The following AHSA1 variants were observed in gnomAD, a reference collection of about 807,000 sequenced individuals.
AHSA1 encodes the protein activator of 90 kDa heat shock protein ATPase homolog 1.
A neutral mutation model predicts 46.1 loss-of-function variants in AHSA1; 14 were observed. That is an observed-to-expected ratio of 0.30 (90% CI 0.20 to 0.47). The LOEUF (loss-of-function observed/expected upper bound fraction) is 0.47, where lower values mean the gene tolerates loss of function less well. Among genes scored for constraint, AHSA1 ranks in the 20% least tolerant of loss-of-function variants. AHSA1 has a pLI of 0.99. For missense variants in AHSA1, 333 were observed against 415.9 expected, an observed-to-expected ratio of 0.80 and a Z score of 1.73; for synonymous variants, 147 against 145.8, an observed-to-expected ratio of 1.01 and a Z score of -0.06.
intron 3 of AHSA1, 63 bp downstream of exon 3, chr14:77,462,305 T>C (rs1594939079): frequency 6.8e-7 from 1 of 1,476,976 alleles, no homozygotes; most frequent in East Asian, 2.3e-5. Flanking sequence ...ATGAGAAAAG[T>C]GACCTGTCAT....
upstream of AHSA1, chr14:77,458,053 G>A: frequency 1.5e-6 from 1 of 657,848 alleles, no homozygotes; most frequent in Non-Finnish European, 2.4e-6. Context: ...GGGAGGGGGT[G>A]GAGGGAAAAG....
chr14:77,463,585 C>CAAAA (rs565353457), intron 4 of AHSA1, among the ~76,000 whole-genome samples: 2 of 75,092 alleles, frequency 2.7e-5, no homozygotes, highest in Non-Finnish European at 2.8e-5. Flanking sequence ...GACTCCATCT[C>CAAAA]AAAAAAAAAA....
chr14:77,464,499 A>G (rs1276432240), intron 4 of AHSA1, 99 bp from the exon 5 acceptor site: 4 of 1,052,848 alleles, frequency 3.8e-6, no homozygotes, highest in East Asian at 2.4e-5. Context: ...TCATAACCTC[A>G]TTCTGTGGTA....
intron 6 of AHSA1, among the ~76,000 whole-genome samples, chr14:77,467,542 AAGTT>A (rs986935753): frequency 7.9e-5 from 12 of 152,054 alleles, no homozygotes; most frequent in Admixed American, 6.5e-4. Context: ...AAAATACAAA[AAGTT>A]AGCCAGGCAT....
intron 2 of AHSA1, among the ~76,000 whole-genome samples, chr14:77,460,508 T>C (rs139810390): frequency 2.0e-5 from 3 of 151,656 alleles, no homozygotes; most frequent in Non-Finnish European, 2.9e-5. Context: ...TTAATTTGTT[T>C]TTAAAGTACA....
At position 77,468,600 on chromosome 14, in the gene AHSA1, T is replaced by G. The variant is rs765885611; in HGVS notation, c.844+92T>G. Reference sequence around the variant, plus strand: ...TTTTTTTGGAAACAGGGTCTCACTGTCACTCAGGCTAGAGTGCAGTGGCAT... The same window carrying G: ...TTTTTTTGGAAACAGGGTCTCACTGGCACTCAGGCTAGAGTGCAGTGGCAT... On this transcript the variant is annotated intron_variant, in intron 8 of 8. Coordinates refer to ENST00000216479, the MANE Select transcript of AHSA1 (RefSeq NM_012111.3). 5 of 1,178,854 alleles carry G rather than the reference T, an allele frequency of 4.2e-6. No individual in the cohort carries two copies. The East Asian group carries it at 1.2e-4, about 29-fold the overall frequency. The allele number at this position is 1,178,854 out of a possible 1,614,324, so 73.0% of individuals were successfully genotyped here.
chr14:77,469,160 C>G lies in AHSA1; in HGVS notation c.928C>G (p.Pro310Ala). The change falls in exon 9 of 9, where the codon CCT becomes GCT. Residue 310 changes from proline to alanine, a missense_variant. Transcript: ENST00000216479. ...LCMEGRGIPA[P>A]EEERTRQGWQ... ...CATGGAAGGTCGAGGCATCCCTGCT[C>G]CTGAGGAAGAGCGGACGCGACAGGG... is the stretch of plus-strand genomic sequence containing the variant. 1 of 1,614,220 alleles carries G rather than the reference C, an allele frequency of 6.2e-7. No individual in the cohort carries two copies. The highest frequency in any genetic ancestry group is 1.7e-5 in the Admixed American group (1 of 60,018).
In AHSA1 at chr14:77,463,142, C is replaced by T. The variant is rs192249013; in HGVS notation, c.472+383C>T. The stretch of plus-strand genomic sequence containing the variant: ...AAAAAATACAAAAATTAGCTGGATG[C>T]GGTGGCCCATGCCTGTAATCCCAGC... On this transcript the variant is annotated intron_variant, in intron 4 of 8. Transcript: ENST00000216479. The T allele has an allele frequency of 9.0e-5, 19 of 210,996 alleles. No individual in the cohort carries two copies. In the East Asian group the frequency reaches 1.5e-3, roughly 17 times the overall value. The allele number at this position is 210,996 out of a possible 1,614,324, so 13.1% of individuals were successfully genotyped here.
At chr14:77,460,564 C>G (rs1438071255) in intron 2 of AHSA1, among the ~76,000 whole-genome samples, 2 of 72,352 alleles carry the variant, frequency 2.8e-5, no homozygotes, top group African/African-American at 9.0e-5. Flanking sequence ...TCATCTTGCT[C>G]AGACCTCCTT....
chr14:77,461,656 C>T (rs1047820145), intron 2 of AHSA1, among the ~76,000 whole-genome samples: 4 of 152,146 alleles, frequency 2.6e-5, no homozygotes, highest in Non-Finnish European at 4.4e-5. Context: ...TCACAACACA[C>T]GCTGTAAACT....
rs1017398660 is a variant in AHSA1 at position 77,468,291 on chromosome 14, T to G, written c.792+107T>G. On this transcript the variant is annotated intron_variant, in intron 7 of 8. Coordinates refer to ENST00000216479, the MANE Select transcript of AHSA1 (RefSeq NM_012111.3). ...AAAATGTAAGGCTTTAATCTCTTTG[T>G]TAATAAAACATTTTGTTTTTCAAAA... 62 of 1,103,120 alleles carry G rather than the reference T, an allele frequency of 5.6e-5. No individual in the cohort carries two copies. In the African/African-American group the frequency reaches 9.6e-4, roughly 17 times the overall value. 68.3% of individuals were successfully genotyped at this position (1,103,120 alleles called of 1,614,324 possible). A position where few individuals can be genotyped will look rare whatever the true frequency, so the allele number is the denominator to read the frequency against.
At position 77,458,288 on chromosome 14, in the gene AHSA1, G is replaced by A. The variant is rs771821026; in HGVS notation, c.80+19G>A. 1.2e-4 allele frequency: 187 copies of A among 1,542,658 alleles called. 1 individual carries two copies. The highest frequency in any genetic ancestry group is 1.7e-5 in the Non-Finnish European group (20 of 1,144,012). ...GGCACTGGTGAGGGCCAGAAAAGCA[G>A]GCCGGCCTTGGGAGACCTGCGGCCG... On this transcript the variant is annotated intron_variant, in intron 1 of 8. Coordinates refer to ENST00000216479, the MANE Select transcript of AHSA1 (RefSeq NM_012111.3).
rs1391831940 is a variant in AHSA1, at chr14:77,469,378, T to C, written c.*129T>C. The C allele has an allele frequency of 5.4e-6, 6 of 1,106,146 alleles. No individual in the cohort carries two copies. In the Admixed American group the frequency reaches 1.6e-4, roughly 29 times the overall value. The allele number at this position is 1,106,146 out of a possible 1,614,324, so 68.5% of individuals were successfully genotyped here. A position where few individuals can be genotyped will look rare whatever the true frequency, so the allele number is the denominator to read the frequency against. On this transcript the variant is annotated 3_prime_UTR_variant, in exon 9 of 9. Transcript: ENST00000216479. ...GGCCGGGGCCCCTCCCTTCCACATATACCTTGGGTTTGTGCATGTTTTCTG... is the reference window on the plus strand; with the variant it reads ...GGCCGGGGCCCCTCCCTTCCACATACACCTTGGGTTTGTGCATGTTTTCTG...
At position 77,465,668 on chromosome 14, in the gene AHSA1, GT is replaced by G; in HGVS notation, c.690+2del. On this transcript the variant is annotated splice_donor_variant, in intron 6 of 8. Transcript: ENST00000216479. LOFTEE classifies it high-confidence loss of function. The stretch of plus-strand genomic sequence containing the variant: ...CTATAGAGTGTTTACCACCCAAGAG[GT>G]AAGTAAGTCTTGTCCTTCAGGCCTC... 6.2e-7 allele frequency: 1 copy of G among 1,613,272 alleles called. No individual in the cohort carries two copies. Among genetic ancestry groups the G allele is most frequent in the Non-Finnish European group, 8.5e-7 (1 of 1,179,376 alleles).
At position 77,469,317 on chromosome 14, in the gene AHSA1, A is replaced by G; in HGVS notation, c.*68A>G. 1.3e-6 allele frequency: 2 copies of G among 1,560,466 alleles called. No individual in the cohort carries two copies. The highest frequency in any genetic ancestry group is 3.6e-5 in the Admixed American group (2 of 54,812). On this transcript the variant is annotated 3_prime_UTR_variant, in exon 9 of 9. Transcript: ENST00000216479. ...AGCTCTCTCCTGACTGGGGCTTGCG[A>G]CTCACAGGATTGCATCGTCCCAGCT...
intron 2 of AHSA1, 144 bp downstream of exon 2, chr14:77,459,950 C>A: frequency 2.3e-6 from 2 of 862,790 alleles, no homozygotes; most frequent in Non-Finnish European, 1.8e-6. Context: ...AAAGCAGTAT[C>A]GAGTCCTGGA....
At chr14:77,468,300 C>T in intron 7 of AHSA1, 116 bp downstream of exon 7, 1 of 1,116,948 alleles carries the variant, frequency 9.0e-7, no homozygotes, top group South Asian at 1.5e-5. Context: ...GTTAATAAAA[C>T]ATTTTGTTTT....
At chr14:77,464,552 A>G (rs1364149184) in intron 4 of AHSA1, 46 bp from the exon 5 acceptor site, 2 of 1,513,856 alleles carry the variant, frequency 1.3e-6, no homozygotes, top group East Asian at 2.3e-5. Flanking sequence ...TCCAGATCTC[A>G]GCTACTAAGA....
Position 77,459,607 on chromosome 14 carries a change from G to T in AHSA1, c.81-9G>T. 1.2e-6 allele frequency: 2 copies of T among 1,614,096 alleles called. No individual in the cohort carries two copies. Among genetic ancestry groups the T allele is most frequent in the Non-Finnish European group, 1.7e-6 (2 of 1,179,968 alleles). ...ACTGCTGGTTCATAGCTCTGTTTCT[G>T]CTTTGCAGGACGGAGAGAGATGCTT... On this transcript the variant is annotated splice_polypyrimidine_tract_variant and intron_variant, in intron 1 of 8. Transcript: ENST00000216479.
Sources: allele counts gnomAD v4.1 joint callset (sites outside exome capture counted in the v4.1 genomes callset), GRCh38; gene constraint gnomAD v4.1.1; transcripts MANE v1.5; gene names NCBI Gene and HGNC (gene_info 2026-07-23, HGNC 2026-07-21).